Variants in ZYG11A observed in about 807,000 individuals in gnomAD.
ZYG11A encodes zyg-11 family member A, cell cycle regulator.
In ZYG11A, 62 loss-of-function variants were observed where a neutral mutation model predicts 77.2. The observed-to-expected ratio is 0.80, with a 90% CI of 0.65 to 0.99. The LOEUF (loss-of-function observed/expected upper bound fraction) is 0.99. ZYG11A is among the 50% of genes least tolerant of loss of function. ZYG11A has a pLI of 0.00. For synonymous variants in ZYG11A, 315 were observed against 324.6 expected (o/e 0.97, Z 0.32); for missense variants, 828 against 896.8 (o/e 0.92, Z 0.98).
intron 3 of ZYG11A, among the ~76,000 whole-genome samples, chr1:52,860,430 TG>T (rs947556834): frequency 3.3e-5 from 5 of 152,204 alleles, no homozygotes; most frequent in African/African-American, 1.2e-4. Context: ...GTCATGTAGC[TG>T]GGACTACAGG....
intron 11 of ZYG11A, 98 bp downstream of exon 11, chr1:52,881,763 G>A (rs999182872): frequency 1.1e-6 from 1 of 950,322 alleles, no homozygotes; most frequent in East Asian, 2.7e-5. Flanking sequence ...TAGAAAGTGG[G>A]AAAAATAGAG....
At chr1:52,855,529 G>T (rs1282809025) in intron 2 of ZYG11A, among the ~76,000 whole-genome samples, 2 of 152,148 alleles carry the variant, frequency 1.3e-5, no homozygotes, top group African/African-American at 2.4e-5. Flanking sequence ...CATCACCTCA[G>T]AAAGAAACCT....
chr1:52,885,747 G>T (rs1646438875), intron 11 of ZYG11A, 86 bp from the exon 12 acceptor site: 6 of 993,418 alleles, frequency 6.0e-6, no homozygotes, highest in Non-Finnish European at 9.0e-6. Context: ...ATCTAAATTT[G>T]TTCAATCGTT....
At chr1:52,880,957 C>T (rs921570573) in intron 10 of ZYG11A, among the ~76,000 whole-genome samples, 12 of 152,154 alleles carry the variant, frequency 7.9e-5, no homozygotes, top group Admixed American at 2.0e-4. Context: ...TGTTGTTTTA[C>T]GCCACTAAGT....
In ZYG11A at chr1:52,883,442, T is replaced by A. The variant is rs547664575; in HGVS notation, c.1944+1777T>A. 4.6e-5 allele frequency among the ~76,000 whole-genome samples: 7 copies of A among 151,576 alleles called. No individual in the cohort carries two copies. The East Asian group carries it at 1.4e-3, about 30-fold the overall frequency. On this transcript the variant is annotated intron_variant, in intron 11 of 13. Coordinates refer to ENST00000371528, the MANE Select transcript of ZYG11A (RefSeq NM_001004339.3). ...CCTGGCCAATTTAAAAAAAAGATTT[T>A]TTTTTTTTTGAGACTCGGTCTGTTG...
At chr1:52,843,261 G>C (rs559252502) in intron 1 of ZYG11A, among the ~76,000 whole-genome samples, 2 of 152,220 alleles carry the variant, frequency 1.3e-5, no homozygotes, top group African/African-American at 2.4e-5. Context: ...CCCAGAGACC[G>C]GGGCGAGCCT....
chr1:52,857,238 C>T lies in ZYG11A; in HGVS notation c.497C>T (p.Thr166Ile), dbSNP rs1364445590. Residue 166 changes from threonine (T) to isoleucine (I), a missense_variant, in exon 3 of 14, where the codon ACA (threonine) becomes ATA (isoleucine). Transcript: ENST00000371528. ...QNLQCLLLDS[T>I]SIPQNSRLLF... Reference sequence around the variant, plus strand: ...CTCCAGTGTCTCCTGTTAGACTCGACAAGCATCCCTCAAAATTCAAGATTA... The same window carrying T: ...CTCCAGTGTCTCCTGTTAGACTCGATAAGCATCCCTCAAAATTCAAGATTA... The T allele has an allele frequency of 1.2e-5, 19 of 1,552,244 alleles. No individual in the cohort carries two copies. The highest frequency in any genetic ancestry group is 1.7e-5 in the Non-Finnish European group (19 of 1,147,128).
At chr1:52,875,118 A>G (rs1646238804) in intron 8 of ZYG11A, among the ~76,000 whole-genome samples, 1 of 152,178 alleles carries the variant, frequency 6.6e-6, no homozygotes. Flanking sequence ...GGTGTTTTAG[A>G]ATCCAAGAGG....
At chr1:52,877,308 T>G (rs996746435) in intron 8 of ZYG11A, among the ~76,000 whole-genome samples, 6 of 152,230 alleles carry the variant, frequency 3.9e-5, no homozygotes, top group African/African-American at 1.4e-4. Context: ...TTCTTTTATT[T>G]AATTGAGAAA....
At chr1:52,881,839 G>T in intron 11 of ZYG11A, 174 bp downstream of exon 11, 1 of 503,666 alleles carries the variant, frequency 2.0e-6, no homozygotes, top group Non-Finnish European at 3.4e-6. Context: ...TGTTGCATAT[G>T]ACTTACTTCG....
chr1:52,855,968 A>G (rs1159803141), intron 2 of ZYG11A, among the ~76,000 whole-genome samples: 1 of 152,250 alleles, frequency 6.6e-6, no homozygotes, highest in East Asian at 1.9e-4. Flanking sequence ...CTATGTGGAC[A>G]TAAGTTTTCA....
intron 3 of ZYG11A, among the ~76,000 whole-genome samples, chr1:52,858,132 C>G (rs1398463090): frequency 6.6e-6 from 1 of 150,432 alleles, no homozygotes; most frequent in Non-Finnish European, 1.5e-5. Flanking sequence ...CATGGTGGCT[C>G]ACACCTGTAA....
Position 52,857,349 on chromosome 1 carries a change from A to G in ZYG11A, c.608A>G (p.Gln203Arg). 6.4e-7 allele frequency: 1 copy of G among 1,551,764 alleles called. No individual in the cohort carries two copies. Among genetic ancestry groups the G allele is most frequent in the Non-Finnish European group, 8.7e-7 (1 of 1,147,000 alleles). ...ACTGAAGACCTGGCTAATGTTTCTC[A>G]GTTACCAAGACTGGAAAGCTTAGAT... ...FHTEDLANVS[Q>R]LPRLESLDIS... The change falls in exon 3 of 14, where the codon CAG (glutamine) becomes CGG (arginine). Residue 203 changes from glutamine to arginine, a missense_variant. Coordinates refer to ENST00000371528, the MANE Select transcript of ZYG11A (RefSeq NM_001004339.3).
intron 1 of ZYG11A, among the ~76,000 whole-genome samples, chr1:52,853,239 C>T (rs1255433084): frequency 1.3e-5 from 2 of 151,818 alleles, no homozygotes; most frequent in African/African-American, 4.9e-5. Flanking sequence ...GAGATCAAAA[C>T]TCAAAATTTG....
At chr1:52,852,458 G>T (rs1645732397) in intron 1 of ZYG11A, among the ~76,000 whole-genome samples, 1 of 151,234 alleles carries the variant, frequency 6.6e-6, no homozygotes, top group South Asian at 2.1e-4. Flanking sequence ...CTGCCTTCTG[G>T]GTTCAAGGGA....
rs1198681004 is a variant in ZYG11A at position 52,864,015 on chromosome 1, A to G, written c.1184A>G (p.Asp395Gly). 6.4e-7 allele frequency: 1 copy of G among 1,551,512 alleles called. No homozygotes were observed. The highest frequency in any genetic ancestry group is 2.4e-5 in the East Asian group (1 of 40,910). ...ATAGGAATGAGGAATCACCCATTGG[A>G]TTTGCGAGTGCAGTTCACAGCCAGT... ...VAIGMRNHPL[D>G]LRVQFTASAC... Residue 395 changes from aspartate to glycine, a missense_variant, in exon 5 of 14, where the codon GAT becomes GGT. By Grantham distance (94) the Asp-to-Gly change is moderately conservative (BLOSUM62 -1). Coordinates refer to ENST00000371528, the MANE Select transcript of ZYG11A (RefSeq NM_001004339.3).
At position 52,893,077 on chromosome 1, in the gene ZYG11A, T is replaced by C; in HGVS notation, c.*120T>C. 1 of 867,660 alleles carries C rather than the reference T, an allele frequency of 1.2e-6. No homozygotes were observed. Among genetic ancestry groups the C allele is most frequent in the Non-Finnish European group, 1.7e-6 (1 of 578,248 alleles). The allele number at this position is 867,660 out of a possible 1,614,324, so 53.7% of individuals were successfully genotyped here. Reference sequence around the variant, plus strand: ...TGGCTGTCTCATTGGCCTTTGATTGTTGATTTTATATATGTTACAAAAGGT... The same window carrying C: ...TGGCTGTCTCATTGGCCTTTGATTGCTGATTTTATATATGTTACAAAAGGT... On this transcript the variant is annotated 3_prime_UTR_variant, in exon 14 of 14. Transcript: ENST00000371528.
intron 3 of ZYG11A, 27 bp downstream of exon 3, chr1:52,857,776 T>G: frequency 1.3e-6 from 2 of 1,500,000 alleles, no homozygotes; most frequent in Non-Finnish European, 1.8e-6. Context: ...ATAAGTTTTG[T>G]TTCATTTGTT....
chr1:52,886,948 T>G lies in ZYG11A; in HGVS notation c.2007-8T>G, dbSNP rs1646463229. On this transcript the variant is annotated splice_polypyrimidine_tract_variant and splice_region_variant and intron_variant, in intron 12 of 13. Coordinates refer to ENST00000371528, the MANE Select transcript of ZYG11A (RefSeq NM_001004339.3). ...GGATTAACATCTTTGTACTTTTTTTTGTTTTAGATCTTTCAAGACATTTTT... is the reference window on the plus strand; with the variant it reads ...GGATTAACATCTTTGTACTTTTTTTGGTTTTAGATCTTTCAAGACATTTTT... The G allele has an allele frequency of 6.6e-7, 1 of 1,506,886 alleles. No individual in the cohort carries two copies. Among genetic ancestry groups the G allele is most frequent in the Non-Finnish European group, 9.0e-7 (1 of 1,107,540 alleles). The allele number at this position is 1,506,886 out of a possible 1,614,324, so 93.3% of individuals were successfully genotyped here.
Sources: allele counts gnomAD v4.1 joint callset (sites outside exome capture counted in the v4.1 genomes callset), GRCh38; gene constraint gnomAD v4.1.1; transcripts MANE v1.5; gene names NCBI Gene and HGNC (gene_info 2026-07-23, HGNC 2026-07-21).